MCTP1: variants seen among roughly 807,000 people sequenced by gnomAD.
MCTP1 encodes multiple C2 and transmembrane domain containing 1.
MCTP1 carries 69 observed loss-of-function variants against 120.6 expected under a neutral mutation model. That is an observed-to-expected ratio of 0.57 (90% CI 0.47 to 0.70). The LOEUF is 0.70. Ranked by LOEUF, MCTP1 falls within the 30% of genes least tolerant of loss-of-function variation. MCTP1 has a pLI of 0.00. For missense variants in MCTP1, 1,203 were observed against 1,248.8 expected (o/e 0.96, Z 0.55); for synonymous variants, 529 against 493.1 (o/e 1.07, Z -0.96).
intron 17 of MCTP1, among the ~76,000 whole-genome samples, chr5:94,810,311 T>A (rs1423931833): frequency 1.3e-5 from 2 of 152,182 alleles, no homozygotes; most frequent in African/African-American, 4.8e-5. Context: ...CCCCTTTGTG[T>A]ATATAAATGC....
intron 1 of MCTP1, among the ~76,000 whole-genome samples, chr5:95,221,068 G>A (rs1356472327): frequency 6.6e-6 from 1 of 152,130 alleles, no homozygotes; most frequent in African/African-American, 2.4e-5. Context: ...AAGAGTGTCC[G>A]AAATATGCTG....
At chr5:94,838,723 T>A (rs775768287) in intron 17 of MCTP1, among the ~76,000 whole-genome samples, 1 of 152,186 alleles carries the variant, frequency 6.6e-6, no homozygotes, top group Non-Finnish European at 1.5e-5. Context: ...AAATGTTGAG[T>A]GGACAAATAA....
chr5:95,200,658 G>A (rs1750904859), intron 1 of MCTP1, among the ~76,000 whole-genome samples: 1 of 152,150 alleles, frequency 6.6e-6, no homozygotes, highest in South Asian at 2.1e-4. Flanking sequence ...TTGAACTCAT[G>A]GATTAGGGAG....
chr5:95,156,998 G>A (rs1745199808), intron 1 of MCTP1, among the ~76,000 whole-genome samples: 1 of 152,042 alleles, frequency 6.6e-6, no homozygotes, highest in African/African-American at 2.4e-5. Flanking sequence ...TTGAGGAGTA[G>A]GACTACAAGC....
intron 1 of MCTP1, among the ~76,000 whole-genome samples, chr5:95,243,160 G>A (rs529342106): frequency 6.6e-6 from 1 of 151,966 alleles, no homozygotes; most frequent in Non-Finnish European, 1.5e-5. Context: ...CGAAAGTAAC[G>A]GATAAGTAGA....
intron 19 of MCTP1, among the ~76,000 whole-genome samples, chr5:94,749,602 C>T (rs756378311): frequency 3.9e-5 from 5 of 127,710 alleles, no homozygotes; most frequent in Non-Finnish European, 7.7e-5. Flanking sequence ...TTGCAGTAAG[C>T]TGACATCGTG....
At chr5:94,775,468 G>C in intron 19 of MCTP1, among the ~76,000 whole-genome samples, 1 of 152,082 alleles carries the variant, frequency 6.6e-6, no homozygotes, top group East Asian at 1.9e-4. Flanking sequence ...GCTCCTCCTA[G>C]GTAATTTAGC....
intron 7 of MCTP1, 71 bp downstream of exon 7, chr5:94,923,891 C>T (rs1179219335): frequency 1.2e-6 from 1 of 867,910 alleles, no homozygotes; most frequent in East Asian, 2.9e-5. Context: ...CTCTTAGTTG[C>T]CATGTAACTT....
At chr5:95,269,614 T>A (rs461018) in intron 1 of MCTP1, among the ~76,000 whole-genome samples, 100,726 of 152,114 alleles carry the variant, frequency 0.66, 33,720 homozygotes, top group East Asian at 0.87. Flanking sequence ...TAAGGGACAG[T>A]CAGACTCAAT....
At chr5:95,183,371 T>A (rs1748833921) in intron 1 of MCTP1, among the ~76,000 whole-genome samples, 1 of 151,460 alleles carries the variant, frequency 6.6e-6, no homozygotes, top group Admixed American at 6.6e-5. Flanking sequence ...ATGGAGTAGG[T>A]TCATTTATTA....
At chr5:95,013,336 T>C (rs1330727852) in intron 2 of MCTP1, among the ~76,000 whole-genome samples, 1 of 152,086 alleles carries the variant, frequency 6.6e-6, no homozygotes, top group African/African-American at 2.4e-5. Context: ...AGATAATTGA[T>C]GACGGTTGCT....
chr5:95,039,551 CTTGT>C (rs1457498168), intron 1 of MCTP1, among the ~76,000 whole-genome samples: 2 of 152,100 alleles, frequency 1.3e-5, no homozygotes, highest in Non-Finnish European at 2.9e-5. Flanking sequence ...TGCTTTTATG[CTTGT>C]TTGTGAGATT....
At chr5:95,245,819 A>C (rs1756703653) in intron 1 of MCTP1, among the ~76,000 whole-genome samples, 1 of 152,172 alleles carries the variant, frequency 6.6e-6, no homozygotes, top group Non-Finnish European at 1.5e-5. Context: ...AAATTCAGGA[A>C]ATACAGAAAA....
chr5:95,241,653 A>G (rs772364154), intron 1 of MCTP1, among the ~76,000 whole-genome samples: 1 of 152,330 alleles, frequency 6.6e-6, no homozygotes, highest in South Asian at 2.1e-4. Flanking sequence ...CCCTCAGAAC[A>G]TAGTGCTCCT....
At chr5:94,870,297 G>A in intron 16 of MCTP1, 120 bp downstream of exon 16, 1 of 610,448 alleles carries the variant, frequency 1.6e-6, no homozygotes, top group Non-Finnish European at 2.9e-6. Flanking sequence ...TCAATAAGTA[G>A]ATGATCAAAA....
intron 10 of MCTP1, among the ~76,000 whole-genome samples, chr5:94,897,661 A>G (rs1804417067): frequency 6.6e-6 from 1 of 152,168 alleles, no homozygotes; most frequent in Non-Finnish European, 1.5e-5. Context: ...CACTGCACCC[A>G]GCCGACTTTT....
intron 2 of MCTP1, among the ~76,000 whole-genome samples, chr5:94,973,303 T>A (rs1049246784): frequency 5.3e-5 from 8 of 152,192 alleles, no homozygotes; most frequent in African/African-American, 1.9e-4. Context: ...ACTTGTCCCG[T>A]CTACCTCAAA....
intron 18 of MCTP1, among the ~76,000 whole-genome samples, chr5:94,789,968 C>T (rs772393133): frequency 9.2e-5 from 14 of 151,856 alleles, no homozygotes; most frequent in East Asian, 5.8e-4. Context: ...CAAAATGGTC[C>T]GAGCCATTTT....
chr5:94,959,446 A>G (rs151304775), intron 2 of MCTP1, among the ~76,000 whole-genome samples: 1,834 of 152,314 alleles, frequency 0.012, 34 homozygotes, highest in African/African-American at 0.042. Flanking sequence ...GAGAGAAATA[A>G]AGGTATTCAA....
Sources: allele counts gnomAD v4.1 joint callset (sites outside exome capture counted in the v4.1 genomes callset), GRCh38; gene constraint gnomAD v4.1.1; transcripts MANE v1.5; gene names NCBI Gene and HGNC (gene_info 2026-07-23, HGNC 2026-07-21).